RAB3C: variants seen among roughly 807,000 people sequenced by gnomAD.
RAB3C encodes ras-related protein Rab-3C.
In RAB3C, 17 loss-of-function variants were observed where a neutral mutation model predicts 26.4. The ratio of observed to expected loss-of-function variants is 0.64; its 90% CI spans 0.44 to 0.97. RAB3C has a LOEUF of 0.97. RAB3C is among the 50% of genes least tolerant of loss of function. The probability of loss-of-function intolerance (pLI) is 0.00; values close to 1 mark genes in which losing one functional copy is unlikely to be tolerated. For synonymous variants in RAB3C, 91 were observed against 95.9 expected (o/e 0.95, Z 0.30); for missense variants, 242 against 281.9 (o/e 0.86, Z 1.01).
rs1159428189 is a variant in RAB3C, at chr5:58,854,772, G to T, written c.*3421G>T. On this transcript the variant is annotated 3_prime_UTR_variant, in exon 5 of 5. Coordinates refer to ENST00000282878, the MANE Select transcript of RAB3C (RefSeq NM_138453.4). ...CCTTCAGTTGTAGCAGAAAGTTGTG[G>T]CATTGTGATAATAAACAAAATCTAC... The T allele has an allele frequency of 6.6e-6, 1 of 152,090 alleles. No homozygotes were observed. The highest frequency in any genetic ancestry group is 1.5e-5 in the Non-Finnish European group (1 of 68,004). 9.4% of individuals were successfully genotyped at this position (152,090 alleles called of 1,614,324 possible).
rs547190728 is a variant in RAB3C at position 58,857,041 on chromosome 5, A to G, written c.*5690A>G. Reference sequence around the variant, plus strand: ...ATGTTGCATGAAATATGTTATAAAAATAGATTTGTTTTCTATTTTCAACAC... The same window carrying G: ...ATGTTGCATGAAATATGTTATAAAAGTAGATTTGTTTTCTATTTTCAACAC... On this transcript the variant is annotated 3_prime_UTR_variant, in exon 5 of 5. Transcript: ENST00000282878. 1 of 152,206 alleles carries G rather than the reference A, an allele frequency of 6.6e-6. No homozygotes were observed. Among genetic ancestry groups the G allele is most frequent in the South Asian group, 2.1e-4 (1 of 4,836 alleles). The allele number at this position is 152,206 out of a possible 1,614,324, so 9.4% of individuals were successfully genotyped here. A position where few individuals can be genotyped will look rare whatever the true frequency, so the allele number is the denominator to read the frequency against.
intron 3 of RAB3C, among the ~76,000 whole-genome samples, chr5:58,806,889 C>A (rs1387511956): frequency 6.6e-6 from 1 of 152,176 alleles, no homozygotes; most frequent in Admixed American, 6.5e-5. Flanking sequence ...GCTTTCATCA[C>A]AATGGACCTC....
Position 58,767,304 on chromosome 5 carries a change from G to C in RAB3C, c.371+41184G>C, listed in dbSNP as rs932003162. ...CACTTGATAATTCTCAGCTCTGAAA[G>C]GTGGGCTGAAAACAGGCACTCTAGT... is the stretch of plus-strand genomic sequence containing the variant. On this transcript the variant is annotated intron_variant, in intron 3 of 4. Coordinates refer to ENST00000282878, the MANE Select transcript of RAB3C (RefSeq NM_138453.4). Among the ~76,000 whole-genome samples the C allele has an allele frequency of 2.6e-5, 4 of 152,146 alleles. 1 individual carries two copies. The highest frequency in any genetic ancestry group is 2.0e-4 in the Admixed American group (3 of 15,274).
intron 3 of RAB3C, among the ~76,000 whole-genome samples, chr5:58,798,660 A>G (rs1162061351): frequency 6.6e-6 from 1 of 152,364 alleles, no homozygotes; most frequent in East Asian, 1.9e-4. Context: ...TAAGTTGAGT[A>G]TGAAACGTAA....
chr5:58,839,656 CA>C (rs1743833538), intron 4 of RAB3C, among the ~76,000 whole-genome samples: 1 of 152,170 alleles, frequency 6.6e-6, no homozygotes, highest in Admixed American at 6.5e-5. Context: ...AGACATGAGC[CA>C]CTGCACCCAG....
At chr5:58,714,528 A>G (rs2063262) in intron 2 of RAB3C, among the ~76,000 whole-genome samples, 1 of 152,080 alleles carries the variant, frequency 6.6e-6, no homozygotes, top group African/African-American at 2.4e-5. Flanking sequence ...TGAGCAGAGA[A>G]ACTGGAAAAC....
At chr5:58,643,794 T>G (rs1194477205) in intron 2 of RAB3C, among the ~76,000 whole-genome samples, 1 of 152,214 alleles carries the variant, frequency 6.6e-6, no homozygotes, top group Non-Finnish European at 1.5e-5. Context: ...TCAAGGTGTG[T>G]TTAAATTGCT....
intron 4 of RAB3C, among the ~76,000 whole-genome samples, chr5:58,840,194 A>G (rs772256209): frequency 1.3e-5 from 2 of 149,832 alleles, no homozygotes; most frequent in Non-Finnish European, 3.0e-5. Flanking sequence ...TGCTTATATT[A>G]TTTCAAAAGC....
chr5:58,849,240 G>T (rs912826759), intron 4 of RAB3C, among the ~76,000 whole-genome samples: 1 of 152,214 alleles, frequency 6.6e-6, no homozygotes, highest in African/African-American at 2.4e-5. Flanking sequence ...ACTTGTAAAT[G>T]AGACCTTTGT....
chr5:58,680,291 G>A (rs1748320174), intron 2 of RAB3C, among the ~76,000 whole-genome samples: 1 of 152,076 alleles, frequency 6.6e-6, no homozygotes, highest in Non-Finnish European at 1.5e-5. Flanking sequence ...GCTTTGCAAG[G>A]CCATTAGTGA....
chr5:58,622,021 T>C (rs404701), intron 2 of RAB3C, among the ~76,000 whole-genome samples: 37,826 of 152,150 alleles, frequency 0.25, 4,963 homozygotes, highest in Admixed American at 0.31. Context: ...TGCAACAGTC[T>C]ACATTCAAAT....
chr5:58,718,974 T>C (rs78208984), intron 2 of RAB3C, among the ~76,000 whole-genome samples: 3 of 152,154 alleles, frequency 2.0e-5, no homozygotes, highest in East Asian at 3.9e-4. Context: ...TTTGTGCCTA[T>C]TTATGGAAAT....
intron 1 of RAB3C, among the ~76,000 whole-genome samples, chr5:58,605,073 A>G (rs754737806): frequency 1.3e-5 from 2 of 152,040 alleles, no homozygotes; most frequent in Non-Finnish European, 2.9e-5. Context: ...CTTCTCCCAC[A>G]AGCAAACCTT....
intron 2 of RAB3C, among the ~76,000 whole-genome samples, chr5:58,710,283 G>A (rs1362695180): frequency 6.6e-6 from 1 of 151,972 alleles, no homozygotes; most frequent in African/African-American, 2.4e-5. Flanking sequence ...ATTAATAGTA[G>A]TACTATTTCA....
chr5:58,727,951 T>G (rs1265589616), intron 3 of RAB3C, among the ~76,000 whole-genome samples: 3 of 151,970 alleles, frequency 2.0e-5, no homozygotes, highest in Non-Finnish European at 4.4e-5. Context: ...AGAAGCAAAC[T>G]AAACCATTCA....
chr5:58,762,046 T>A (rs292963), intron 3 of RAB3C, among the ~76,000 whole-genome samples: 132,595 of 150,542 alleles, frequency 0.88, 58,490 homozygotes, highest in South Asian at 0.95. Context: ...TAGCAGCCAC[T>A]TTTAGAAGCA....
At chr5:58,708,564 T>A (rs777827519) in intron 2 of RAB3C, among the ~76,000 whole-genome samples, 2 of 152,202 alleles carry the variant, frequency 1.3e-5, no homozygotes, top group Non-Finnish European at 2.9e-5. Flanking sequence ...CCAGTGCATC[T>A]GCTCCCTGAC....
At chr5:58,744,999 CCTAT>C (rs1395621038) in intron 3 of RAB3C, among the ~76,000 whole-genome samples, 1 of 152,098 alleles carries the variant, frequency 6.6e-6, no homozygotes, top group African/African-American at 2.4e-5. Context: ...GCCTTTTTGG[CCTAT>C]CTCTCAGTCC....
At chr5:58,737,100 C>T (rs922609451) in intron 3 of RAB3C, among the ~76,000 whole-genome samples, 1 of 152,070 alleles carries the variant, frequency 6.6e-6, no homozygotes, top group Non-Finnish European at 1.5e-5. Flanking sequence ...TGCTGCTTAT[C>T]TTCTCCACAT....
Sources: gnomAD v4.1 joint callset for allele counts (sites outside exome capture counted in the v4.1 genomes callset) on GRCh38, gnomAD v4.1.1 for gene constraint, MANE v1.5 for transcripts, NCBI Gene and HGNC (gene_info 2026-07-23, HGNC 2026-07-21) for gene names.